The following DNAH12 variants were observed in gnomAD, a reference collection of about 807,000 sequenced individuals.
DNAH12 encodes the protein dynein axonemal heavy chain 12.
In DNAH12, 285 loss-of-function variants were observed where a neutral mutation model predicts 371.5. The observed-to-expected ratio is 0.77, with a 90% CI of 0.70 to 0.85. The LOEUF is 0.85. Ranked by LOEUF, DNAH12 falls within the 40% of genes least tolerant of loss-of-function variation. The probability of loss-of-function intolerance (pLI) is 0.00; values close to 1 mark genes in which losing one functional copy is unlikely to be tolerated. For synonymous variants in DNAH12, 1,200 were observed against 1,213.0 expected, an observed-to-expected ratio of 0.99 and a Z score of 0.22; for missense variants, 3,611 against 3,689.4, an observed-to-expected ratio of 0.98 and a Z score of 0.55.
chr3:57,405,330 G>C (rs1230751658), intron 41 of DNAH12, among the ~76,000 whole-genome samples, 183 bp from the exon 42 acceptor site: 2 of 152,098 alleles, frequency 1.3e-5, no homozygotes, highest in Admixed American at 6.6e-5. Context: ...AGAAAAGTAA[G>C]ATTTATATGT....
intron 60 of DNAH12, among the ~76,000 whole-genome samples, chr3:57,345,551 G>A (rs1313975024): frequency 1.3e-5 from 2 of 152,138 alleles, no homozygotes; most frequent in African/African-American, 4.8e-5. Context: ...TTGAGATGAT[G>A]AGCATCACCT....
chr3:57,511,874 AAG>A (rs2068011698), intron 4 of DNAH12, among the ~76,000 whole-genome samples: 4 of 152,170 alleles, frequency 2.6e-5, no homozygotes, highest in Admixed American at 6.6e-5. Flanking sequence ...CATTTGGAAA[AAG>A]ATAAAATAAT....
intron 66 of DNAH12, among the ~76,000 whole-genome samples, chr3:57,312,438 A>C (rs1250764308): frequency 6.6e-6 from 1 of 152,230 alleles, no homozygotes; most frequent in Non-Finnish European, 1.5e-5. Context: ...CCAACAGCTC[A>C]TTCTCTGGCT....
chr3:57,324,633 G>A (rs1401925637), intron 62 of DNAH12, among the ~76,000 whole-genome samples: 1 of 152,176 alleles, frequency 6.6e-6, no homozygotes, highest in Non-Finnish European at 1.5e-5. Context: ...ACAGCTCCCA[G>A]CGTGAGCCAC....
intron 58 of DNAH12, among the ~76,000 whole-genome samples, chr3:57,358,039 C>A (rs986680851): frequency 2.6e-5 from 4 of 152,160 alleles, no homozygotes; most frequent in Admixed American, 2.6e-4. Flanking sequence ...ATGTTTCGAG[C>A]ACTATTCCAA....
intron 13 of DNAH12, among the ~76,000 whole-genome samples, chr3:57,480,526 A>AT (rs1449355599): frequency 1.3e-5 from 2 of 151,164 alleles, no homozygotes; most frequent in African/African-American, 4.9e-5. Flanking sequence ...TTCTGAAACT[A>AT]TTCCAATCAA....
chr3:57,510,717 T>C (rs2067960549), intron 5 of DNAH12, 73 bp downstream of exon 5: 1 of 1,383,604 alleles, frequency 7.2e-7, no homozygotes, highest in African/African-American at 1.5e-5. Flanking sequence ...TTTGCTTATT[T>C]CTATTTTTGA....
chr3:57,309,369 C>T lies in DNAH12; in HGVS notation c.11086-115G>A, dbSNP rs537975979. 6.7e-4 allele frequency: 556 copies of T among 835,444 alleles called. 1 individual carries two copies. The highest frequency in any genetic ancestry group is 9.1e-4 in the Non-Finnish European group (502 of 551,706). The allele number at this position is 835,444 out of a possible 1,614,324, so 51.8% of individuals were successfully genotyped here. On this transcript the variant is annotated intron_variant, in intron 68 of 73. Coordinates refer to ENST00000495027, the MANE Select transcript of DNAH12 (RefSeq NM_001366028.2). ...GGTGTATATGTACATTAGCTCATAA[C>T]GTACAGTAATGTATATAAGTCCTAT...
In DNAH12 at chr3:57,403,295, C is replaced by G. The variant is rs1273493435; in HGVS notation, c.6948+14G>C. 3 of 1,531,704 alleles carry G rather than the reference C, an allele frequency of 2.0e-6. No individual in the cohort carries two copies. Among genetic ancestry groups the G allele is most frequent in the Non-Finnish European group, 2.6e-6 (3 of 1,139,630 alleles). 94.9% of individuals were successfully genotyped at this position (1,531,704 alleles called of 1,614,324 possible). A position where few individuals can be genotyped will look rare whatever the true frequency, so the allele number is the denominator to read the frequency against. On this transcript the variant is annotated intron_variant, in intron 43 of 73. Coordinates refer to ENST00000495027, the MANE Select transcript of DNAH12 (RefSeq NM_001366028.2). ...TGTTTTCATTTTAGATACTAGGCTT[C>G]TTCATAATTTTACCTTCATATCCTC...
intron 30 of DNAH12, among the ~76,000 whole-genome samples, chr3:57,435,321 A>G (rs13076082): frequency 0.64 from 93,832 of 146,678 alleles, 30,288 homozygotes; most frequent in South Asian, 0.78. Flanking sequence ...GCAGTGAGCC[A>G]AGATCTTGCC....
intron 11 of DNAH12, among the ~76,000 whole-genome samples, chr3:57,496,168 G>C (rs1034346683): frequency 2.2e-4 from 34 of 151,778 alleles, no homozygotes; most frequent in Non-Finnish European, 4.0e-4. Context: ...TCTGCCCCCA[G>C]TCAAACCTTC....
intron 32 of DNAH12, among the ~76,000 whole-genome samples, chr3:57,431,699 A>G (rs1211056228): frequency 6.6e-6 from 1 of 152,188 alleles, no homozygotes; most frequent in Non-Finnish European, 1.5e-5. Flanking sequence ...TTAGACTGGT[A>G]GAGAGTACCT....
intron 8 of DNAH12, 29 bp from the exon 9 acceptor site, chr3:57,504,233 G>C: frequency 3.8e-6 from 6 of 1,577,768 alleles, no homozygotes; most frequent in South Asian, 1.2e-5. Context: ...TGTTACTTTA[G>C]AGAGTACAAA....
upstream of DNAH12, among the ~76,000 whole-genome samples, chr3:57,546,198 A>T (rs558322884): frequency 6.6e-6 from 1 of 151,604 alleles, no homozygotes; most frequent in South Asian, 2.1e-4. Context: ...GTCCATAAAA[A>T]CCCTGGACCC....
At chr3:57,519,832 G>T in intron 4 of DNAH12, 1 of 1,209,996 alleles carries the variant, frequency 8.3e-7, no homozygotes, top group Non-Finnish European at 1.2e-6. Context: ...TCTGAGACAG[G>T]CATCCATCAC....
Position 57,510,843 on chromosome 3 carries a change from C to T in DNAH12, c.416G>A (p.Ser139Asn), listed in dbSNP as rs6778837. 5,063 of 1,613,970 alleles carry T rather than the reference C, an allele frequency of 3.1e-3. 121 individuals carry two copies. The African/African-American group carries it at 0.058, about 18-fold the overall frequency. Residue 139 changes from serine (S) to asparagine (N), a missense_variant, in exon 5 of 74, where the codon AGT (serine) becomes AAT (asparagine). Physicochemically the swap from Ser to Asn is conservative, Grantham distance 46. Around this residue, in one of 3 missense-constraint regions of DNAH12, gnomAD observed 1,314 missense variants for 1,398.7 expected, o/e 0.94. Transcript: ENST00000495027. ...GTCACTTGACACCTCATTTATGAGA[C>T]TTTCAAGAAGTTCTTCTCTTTCTTT... ...EGKEREELLE[S>N]LINEVSSDFE... is the part of the protein sequence containing the mutation.
intron 2 of DNAH12, among the ~76,000 whole-genome samples, chr3:57,527,078 GC>G (rs1460294591): frequency 6.6e-6 from 1 of 152,154 alleles, no homozygotes; most frequent in African/African-American, 2.4e-5. Flanking sequence ...CAGGTGATCT[GC>G]CCCTGTTTGC....
chr3:57,384,465 T>C (rs1381054868), intron 49 of DNAH12, among the ~76,000 whole-genome samples: 1 of 151,974 alleles, frequency 6.6e-6, no homozygotes, highest in African/African-American at 2.4e-5. Context: ...AGGGTGACCC[T>C]GTCTCTATAA....
At chr3:57,521,398 T>G (rs1490826751) in intron 4 of DNAH12, among the ~76,000 whole-genome samples, 1 of 152,028 alleles carries the variant, frequency 6.6e-6, no homozygotes, top group Admixed American at 6.6e-5. Flanking sequence ...GATGGTGGCA[T>G]GCTCTTGTAG....
Sources: allele counts gnomAD v4.1 joint callset (sites outside exome capture counted in the v4.1 genomes callset), GRCh38; gene constraint gnomAD v4.1.1; regional missense constraint gnomAD v4.1.1; transcripts MANE v1.5; gene names NCBI Gene and HGNC (gene_info 2026-07-23, HGNC 2026-07-21).